PARN: variants seen among roughly 807,000 people sequenced by gnomAD.
The protein encoded by PARN is poly(A)-specific ribonuclease PARN.
Under a neutral mutation model 102.8 loss-of-function variants are expected in PARN, and 71 were observed. The observed-to-expected ratio is 0.69, with a 90% CI of 0.57 to 0.84. The LOEUF (loss-of-function observed/expected upper bound fraction) is 0.84. Ranked by LOEUF, PARN falls within the 40% of genes least tolerant of loss-of-function variation. PARN has a pLI of 0.00. For synonymous variants in PARN, 261 were observed against 252.9 expected (o/e 1.03, Z -0.30); for missense variants, 782 against 760.9 (o/e 1.03, Z -0.33).
intron 18 of PARN, among the ~76,000 whole-genome samples, chr16:14,556,854 A>G (rs1020748908): frequency 2.0e-5 from 3 of 152,196 alleles, no homozygotes; most frequent in African/African-American, 7.2e-5. Context: ...GGAGTCTGAA[A>G]TAAGTGACTG....
chr16:14,509,033 A>C (rs1257603016), intron 21 of PARN, among the ~76,000 whole-genome samples: 1 of 152,078 alleles, frequency 6.6e-6, no homozygotes, highest in African/African-American at 2.4e-5. Context: ...AAATAAATAA[A>C]ATTATTCTGA....
intron 18 of PARN, among the ~76,000 whole-genome samples, chr16:14,575,452 T>C (rs1265875404): frequency 3.9e-5 from 6 of 152,198 alleles, no homozygotes; most frequent in African/African-American, 1.4e-4. Context: ...GGAGATCATT[T>C]TGGAGCTTTA....
intron 18 of PARN, among the ~76,000 whole-genome samples, chr16:14,557,986 G>C (rs948809402): frequency 6.6e-6 from 1 of 152,064 alleles, no homozygotes; most frequent in African/African-American, 2.4e-5. Flanking sequence ...GTTATTCCTA[G>C]GTTAGTGAGC....
chr16:14,554,126 G>C lies in PARN; in HGVS notation c.1344C>G (p.Leu448=). The change falls in exon 20 of 24, where the codon CTC becomes CTG. Residue 448 remains leucine (L), a synonymous_variant. Coordinates refer to ENST00000437198, the MANE Select transcript of PARN (RefSeq NM_002582.4). ...PDLQPKRDHV[L]HVTFPKEWKT... ...TCCATTCTTTGGGGAATGTCACATG[G>C]AGAACATGATCACGTTTAGGCTGCA... is the stretch of plus-strand genomic sequence containing the variant. 1 of 1,613,286 alleles carries C rather than the reference G, an allele frequency of 6.2e-7. No individual in the cohort carries two copies. Among genetic ancestry groups the C allele is most frequent in the Middle Eastern group, 1.6e-4 (1 of 6,062 alleles).
chr16:14,600,731 G>A (rs1466419517), intron 11 of PARN, among the ~76,000 whole-genome samples: 5 of 152,122 alleles, frequency 3.3e-5, no homozygotes, highest in African/African-American at 1.2e-4. Context: ...GGGAGTTCGA[G>A]ACCAGCCTGA....
rs191031784 is a variant in PARN at position 14,476,282 on chromosome 16, T to C, written c.1670+6356A>G. The stretch of plus-strand genomic sequence containing the variant: ...TAATCTGCAGGTAAACAATGACTAA[T>C]GTAGTTTACATTCTTCAAAATCTGG... On this transcript the variant is annotated intron_variant, in intron 22 of 23. Coordinates refer to ENST00000437198, the MANE Select transcript of PARN (RefSeq NM_002582.4). 2.5e-4 allele frequency among the ~76,000 whole-genome samples: 38 copies of C among 152,334 alleles called. No individual in the cohort carries two copies. The East Asian group carries it at 3.1e-3, about 12-fold the overall frequency.
At chr16:14,628,007 C>T (rs1229504866) in intron 3 of PARN, among the ~76,000 whole-genome samples, 165 bp downstream of exon 3, 2 of 151,378 alleles carry the variant, frequency 1.3e-5, no homozygotes, top group African/African-American at 2.4e-5. Context: ...GACCTTGTCT[C>T]TAAAACAAGA....
At chr16:14,533,581 G>GT (rs1160976631) in intron 21 of PARN, among the ~76,000 whole-genome samples, 1 of 152,036 alleles carries the variant, frequency 6.6e-6, no homozygotes, top group Non-Finnish European at 1.5e-5. Flanking sequence ...TCCACTCCAC[G>GT]TGCCCTCTGT....
At position 14,622,707 on chromosome 16, in the gene PARN, C is replaced by G. The variant is rs916123108; in HGVS notation, c.327+4399G>C. On this transcript the variant is annotated intron_variant, in intron 5 of 23. Coordinates refer to ENST00000437198, the MANE Select transcript of PARN (RefSeq NM_002582.4). Reference sequence around the variant, plus strand: ...ATTTTTAGTAGAGACGGGGTTTCACCGTGTTAGCCAGGATGGTCTTAATCT... The same window carrying G: ...ATTTTTAGTAGAGACGGGGTTTCACGGTGTTAGCCAGGATGGTCTTAATCT... 4.6e-5 allele frequency among the ~76,000 whole-genome samples: 7 copies of G among 152,184 alleles called. 1 individual carries two copies. The highest frequency in any genetic ancestry group is 3.9e-4 in the Admixed American group (6 of 15,284).
At chr16:14,556,634 G>A (rs1967707499) in intron 18 of PARN, among the ~76,000 whole-genome samples, 2 of 152,200 alleles carry the variant, frequency 1.3e-5, no homozygotes, top group Non-Finnish European at 2.9e-5. Flanking sequence ...TCATCAAAGA[G>A]TCAAGGGAAA....
At chr16:14,574,238 C>A (rs985393770) in intron 18 of PARN, among the ~76,000 whole-genome samples, 1 of 152,186 alleles carries the variant, frequency 6.6e-6, no homozygotes. Flanking sequence ...CAGCATTTTG[C>A]CCTTGCCATA....
At chr16:14,464,838 C>T (rs1362708360) in intron 22 of PARN, among the ~76,000 whole-genome samples, 1 of 151,982 alleles carries the variant, frequency 6.6e-6, no homozygotes, top group Non-Finnish European at 1.5e-5. Context: ...GGCAGGACCA[C>T]TTGAGCCCAG....
At chr16:14,590,664 T>G (rs1970145198) in intron 13 of PARN, among the ~76,000 whole-genome samples, 1 of 151,210 alleles carries the variant, frequency 6.6e-6, no homozygotes, top group Admixed American at 6.6e-5. Flanking sequence ...GAAATGCAAT[T>G]CCATACCTTT....
chr16:14,536,943 T>TG (rs1319444585), intron 21 of PARN, among the ~76,000 whole-genome samples: 2 of 151,918 alleles, frequency 1.3e-5, no homozygotes, highest in East Asian at 3.9e-4. Flanking sequence ...AACAGAAAAA[T>TG]GAGACTATAT....
At chr16:14,530,119 G>A (rs763315081) in intron 21 of PARN, among the ~76,000 whole-genome samples, 3 of 152,168 alleles carry the variant, frequency 2.0e-5, no homozygotes, top group Non-Finnish European at 4.4e-5. Context: ...CTCCCTCAAG[G>A]AGAGCCAAGC....
chr16:14,551,966 G>A, intron 21 of PARN, 55 bp downstream of exon 21: 1 of 1,145,624 alleles, frequency 8.7e-7, no homozygotes, highest in Non-Finnish European at 1.3e-6. Flanking sequence ...GGGGGCAGTG[G>A]GAGGGCAACC....
At chr16:14,595,129 T>A (rs1970421495) in intron 12 of PARN, among the ~76,000 whole-genome samples, 1 of 152,212 alleles carries the variant, frequency 6.6e-6, no homozygotes, top group Admixed American at 6.5e-5. Flanking sequence ...ATTTCATCAA[T>A]AAATGTACTT....
intron 5 of PARN, among the ~76,000 whole-genome samples, chr16:14,623,227 G>A (rs1242833492): frequency 6.6e-6 from 1 of 151,814 alleles, no homozygotes; most frequent in Non-Finnish European, 1.5e-5. Flanking sequence ...TATAAGAAGG[G>A]AAACACAGCC....
In PARN at chr16:14,570,228, ACT is replaced by A. The variant is rs373897788; in HGVS notation, c.1262+10644_1262+10645del. On this transcript the variant is annotated intron_variant, in intron 18 of 23. Transcript: ENST00000437198. ...GTGGCACGTGCCTGTAATCCCAACT[ACT>A]CAGGAGGCTGGGGCAGGAGAATTGC... Among the ~76,000 whole-genome samples the A allele has an allele frequency of 9.9e-4, 142 of 143,156 alleles. 2 individuals carry two copies. In the South Asian group the frequency reaches 0.032, roughly 32 times the overall value. 93.9% of individuals were successfully genotyped at this position (143,156 alleles called of 152,430 possible).
Sources: gnomAD v4.1 joint callset for allele counts (sites outside exome capture counted in the v4.1 genomes callset) on GRCh38, gnomAD v4.1.1 for gene constraint, MANE v1.5 for transcripts, NCBI Gene and HGNC (gene_info 2026-07-23, HGNC 2026-07-21) for gene names.